Variants in NAT9 observed in about 807,000 individuals in gnomAD.
NAT9 encodes N-acetyltransferase 9.
In NAT9, 18 loss-of-function variants were observed where a neutral mutation model predicts 24.0. The observed-to-expected ratio is 0.75, with a 90% CI of 0.52 to 1.11. The LOEUF (loss-of-function observed/expected upper bound fraction) is 1.11. Ranked by LOEUF, NAT9 falls within the 50% of genes most tolerant of loss-of-function variation. The probability of loss-of-function intolerance (pLI) is 0.00; values close to 1 mark genes in which losing one functional copy is unlikely to be tolerated. For synonymous variants in NAT9, 104 were observed against 102.3 expected, an observed-to-expected ratio of 1.02 and a Z score of -0.10; for missense variants, 254 against 258.6, an observed-to-expected ratio of 0.98 and a Z score of 0.12.
At chr17:74,772,817 C>G in intron 4 of NAT9, 79 bp downstream of exon 4, 1 of 1,586,956 alleles carries the variant, frequency 6.3e-7, no homozygotes, top group Non-Finnish European at 8.6e-7. Context: ...TGAGTGCCCA[C>G]CCTTTGCAGC....
chr17:74,775,771 G>T (rs1447279504), intron 1 of NAT9, 64 bp from the exon 2 acceptor site: 2 of 1,397,316 alleles, frequency 1.4e-6, no homozygotes, highest in Non-Finnish European at 2.0e-6. Context: ...TTGGGTAGGC[G>T]CTCCAGCTTT....
Position 74,773,563 on chromosome 17 carries a change from G to A in NAT9, c.190+13C>T. 1 of 1,604,916 alleles carries A rather than the reference G, an allele frequency of 6.2e-7. No homozygotes were observed. The highest frequency in any genetic ancestry group is 8.5e-7 in the Non-Finnish European group (1 of 1,171,928). On this transcript the variant is annotated intron_variant, in intron 3 of 6. Coordinates refer to ENST00000357814, the MANE Select transcript of NAT9 (RefSeq NM_015654.5). ...AGTACCAGGGCTAGGGGAAGTGGGG[G>A]GGCACTCCTCACTGTCTGCATCTTC...
In NAT9 at chr17:74,774,547, GTC is replaced by G. The variant is rs771885499; in HGVS notation, c.78-861_78-860del. 2.4e-5 allele frequency among the ~76,000 whole-genome samples: 3 copies of G among 124,726 alleles called. No homozygotes were observed. The East Asian group carries it at 6.3e-4, about 26-fold the overall frequency. The allele number at this position is 124,726 out of a possible 152,430, so 81.8% of individuals were successfully genotyped here. ...GGGTTTCTCCACGTTGATCAGGCTG[GTC>G]TCTTTTTTTTTTTTTTTTTGAGACG... On this transcript the variant is annotated intron_variant, in intron 2 of 6. Coordinates refer to ENST00000357814, the MANE Select transcript of NAT9 (RefSeq NM_015654.5).
intron 3 of NAT9, 119 bp from the exon 4 acceptor site, chr17:74,773,158 G>A (rs1200041068): frequency 5.5e-6 from 7 of 1,270,608 alleles, no homozygotes; most frequent in African/African-American, 3.0e-5. Context: ...GCCAGGAGAA[G>A]AGGGGGTCCC....
At chr17:74,772,302 C>A in intron 4 of NAT9, 25 bp from the exon 5 acceptor site, 1 of 1,612,784 alleles carries the variant, frequency 6.2e-7, no homozygotes, top group Non-Finnish European at 8.5e-7. Flanking sequence ...AGGAGCGGCG[C>A]TGACGCCGTG....
chr17:74,770,958 G>A lies in NAT9; in HGVS notation c.*766C>T, dbSNP rs1331603043. 2 of 152,286 alleles carry A rather than the reference G, an allele frequency of 1.3e-5. No individual in the cohort carries two copies. Among genetic ancestry groups the A allele is most frequent in the African/African-American group, 4.8e-5 (2 of 41,456 alleles). 9.4% of individuals were successfully genotyped at this position (152,286 alleles called of 1,614,324 possible). ...GATGGAGGGTGAGGAACAGACGTGGGAGCACCAGAGGGACAGAGCTGATGG... is the reference window on the plus strand; with the variant it reads ...GATGGAGGGTGAGGAACAGACGTGGAAGCACCAGAGGGACAGAGCTGATGG... On this transcript the variant is annotated 3_prime_UTR_variant, in exon 7 of 7. Transcript: ENST00000357814.
At chr17:74,774,530 C>G (rs1272440860) in intron 2 of NAT9, among the ~76,000 whole-genome samples, 1 of 149,878 alleles carries the variant, frequency 6.7e-6, no homozygotes, top group Non-Finnish European at 1.5e-5. Context: ...CGGGGTTTCT[C>G]CACGTTGATC....
chr17:74,773,474 G>C (rs1567842256), intron 3 of NAT9, 102 bp downstream of exon 3: 1 of 1,044,358 alleles, frequency 9.6e-7, no homozygotes, highest in Non-Finnish European at 1.5e-6. Flanking sequence ...TTTTCACAAA[G>C]CTTCTATGGC....
chr17:74,772,214 T>A lies in NAT9; in HGVS notation c.394+4A>T. On this transcript the variant is annotated splice_donor_region_variant and intron_variant, in intron 5 of 6. Coordinates refer to ENST00000357814, the MANE Select transcript of NAT9 (RefSeq NM_015654.5). ...TCCCGCATTGTCTGCTCACACTTTCTTACCGTAAGACAGCATCGCGAGAAC... is the reference window on the plus strand; with the variant it reads ...TCCCGCATTGTCTGCTCACACTTTCATACCGTAAGACAGCATCGCGAGAAC... 6.2e-7 allele frequency: 1 copy of A among 1,614,234 alleles called. No homozygotes were observed. The highest frequency in any genetic ancestry group is 8.5e-7 in the Non-Finnish European group (1 of 1,180,040).
chr17:74,773,516 T>G (rs1399222471), intron 3 of NAT9, 60 bp downstream of exon 3: 53 of 1,433,360 alleles, frequency 3.7e-5, no homozygotes, highest in Non-Finnish European at 5.1e-5. Context: ...ACCTGGAGAC[T>G]GACTGTGGAG....
At chr17:74,773,891 C>G in intron 2 of NAT9, 1 of 537,888 alleles carries the variant, frequency 1.9e-6, no homozygotes, top group Non-Finnish European at 3.4e-6. Context: ...CGAGTCAGTT[C>G]TATCTGTCCA....
chr17:74,772,325 G>T, intron 4 of NAT9, 48 bp from the exon 5 acceptor site: 2 of 1,606,060 alleles, frequency 1.2e-6, no homozygotes, highest in East Asian at 2.2e-5. Context: ...CCAGGCTCCA[G>T]TGCGGGCACT....
Position 74,772,054 on chromosome 17 carries a change from C to A in NAT9, c.395G>T (p.Gly132Val), listed in dbSNP as rs771557752. 1 of 1,614,220 alleles carries A rather than the reference C, an allele frequency of 6.2e-7. No individual in the cohort carries two copies. Among genetic ancestry groups the A allele is most frequent in the Admixed American group, 1.7e-5 (1 of 60,030 alleles). ...CTTGGTCAGACCTAGCGTGGTCACTCCTCGCAGAGGAGATGAGACAGGGGC... is the reference window on the plus strand; with the variant it reads ...CTTGGTCAGACCTAGCGTGGTCACTACTCGCAGAGGAGATGAGACAGGGGC... ...TEAVLAMLSY[G>V]VTTLGLTKFE... The change falls in exon 6 of 7, where the codon GGA (glycine) becomes GTA (valine). Residue 132 changes from glycine to valine, a missense_variant and splice_region_variant. Transcript: ENST00000357814.
At chr17:74,774,873 T>TTTTA (rs1178625212) in intron 2 of NAT9, among the ~76,000 whole-genome samples, 1 of 138,186 alleles carries the variant, frequency 7.2e-6, no homozygotes, top group Non-Finnish European at 1.5e-5. Flanking sequence ...ATTTTATTTT[T>TTTTA]GAGACAAAGT....
chr17:74,772,250 C>A lies in NAT9; in HGVS notation c.362G>T (p.Gly121Val). Residue 121 changes from glycine to valine, a missense_variant, in exon 5 of 7, where the codon GGC (glycine) becomes GTC (valine). Coordinates refer to ENST00000357814, the MANE Select transcript of NAT9 (RefSeq NM_015654.5). ...AEPSCRGKGLGTEAVLAMLSY... is the reference protein window; with the variant it reads ...AEPSCRGKGLVTEAVLAMLSY... ...CAGCATCGCGAGAACGGCCTCAGTGCCAAGGCCCTTACCCCTGCAGCTGGG... is the reference window on the plus strand; with the variant it reads ...CAGCATCGCGAGAACGGCCTCAGTGACAAGGCCCTTACCCCTGCAGCTGGG... 1 of 1,614,202 alleles carries A rather than the reference C, an allele frequency of 6.2e-7. No homozygotes were observed. Among genetic ancestry groups the A allele is most frequent in the Non-Finnish European group, 8.5e-7 (1 of 1,180,048 alleles).
rs756488168 is a variant in NAT9 at position 74,772,030 on chromosome 17, T to G, written c.419A>C (p.Lys140Thr). The change falls in exon 6 of 7, where the codon AAG becomes ACG. Residue 140 changes from lysine to threonine, a missense_variant. Coordinates refer to ENST00000357814, the MANE Select transcript of NAT9 (RefSeq NM_015654.5). ...TCCTTGCCCAATTTTAGCCTCAAACTTGGTCAGACCTAGCGTGGTCACTCC... is the reference window on the plus strand; with the variant it reads ...TCCTTGCCCAATTTTAGCCTCAAACGTGGTCAGACCTAGCGTGGTCACTCC... ...SYGVTTLGLT[K>T]FEAKIGQGNE... is the part of the protein sequence containing the mutation. 13 of 1,614,226 alleles carry G rather than the reference T, an allele frequency of 8.1e-6. No homozygotes were observed. The highest frequency in any genetic ancestry group is 1.0e-5 in the Non-Finnish European group (12 of 1,180,044).
chr17:74,773,660 CCT>C lies in NAT9; in HGVS notation c.104_105del (p.Glu35GlyfsTer83), dbSNP rs1337336170. The C allele has an allele frequency of 1.2e-6, 2 of 1,614,088 alleles. No homozygotes were observed. The highest frequency in any genetic ancestry group is 3.3e-5 in the Admixed American group (2 of 60,020). ...PSRYHEWMKS[E>X]ELQRLTASEP... is the part of the protein sequence containing the mutation. ...TCCGAGGCTGTCAAACGCTGCAGCT[CCT>C]CTGATTTCATCCACTCGTGGTACCT... On this transcript the variant is annotated frameshift_variant, in exon 3 of 7. Coordinates refer to ENST00000357814, the MANE Select transcript of NAT9 (RefSeq NM_015654.5). LOFTEE classifies it high-confidence loss of function.
At chr17:74,773,308 G>T in intron 3 of NAT9, 1 of 590,098 alleles carries the variant, frequency 1.7e-6, no homozygotes, top group South Asian at 2.1e-5. Context: ...GGGACATGAG[G>T]GGCAGGGCCT....
chr17:74,773,439 A>G, intron 3 of NAT9, 137 bp downstream of exon 3: 1 of 721,344 alleles, frequency 1.4e-6, no homozygotes, highest in East Asian at 2.7e-5. Flanking sequence ...CCATGAGAAT[A>G]CAGGAGTTCC....
Sources: gnomAD v4.1 joint callset for allele counts (sites outside exome capture counted in the v4.1 genomes callset) on GRCh38, gnomAD v4.1.1 for gene constraint, MANE v1.5 for transcripts, NCBI Gene and HGNC (gene_info 2026-07-23, HGNC 2026-07-21) for gene names.